Variants in ADAM12 observed in about 807,000 individuals in gnomAD.
ADAM12 encodes the protein disintegrin and metalloproteinase domain-containing protein 12.
A neutral mutation model predicts 106.4 loss-of-function variants in ADAM12; 70 were observed. The ratio of observed to expected loss-of-function variants is 0.66; its 90% CI spans 0.54 to 0.80. ADAM12 has a LOEUF of 0.80. Among genes scored for constraint, ADAM12 ranks in the 30% least tolerant of loss-of-function variants. The probability of loss-of-function intolerance (pLI) is 0.00; values close to 1 mark genes in which losing one functional copy is unlikely to be tolerated. For missense variants in ADAM12, 1,010 were observed against 1,171.9 expected (o/e 0.86, Z 2.02); for synonymous variants, 420 against 433.5 (o/e 0.97, Z 0.39).
At chr10:126,240,657 G>C (rs1048189324) in intron 3 of ADAM12, among the ~76,000 whole-genome samples, 21 of 152,314 alleles carry the variant, frequency 1.4e-4, no homozygotes, top group Middle Eastern at 3.4e-3. Flanking sequence ...GAGACTTCCA[G>C]GCAGAGAACA....
intron 3 of ADAM12, among the ~76,000 whole-genome samples, chr10:126,261,592 G>A (rs1370322607): frequency 3.9e-5 from 6 of 152,122 alleles, no homozygotes; most frequent in East Asian, 1.9e-4. Flanking sequence ...GGCAGGAACC[G>A]TGTGTTATTC....
At chr10:126,137,503 A>G (rs1032180010) in intron 4 of ADAM12, among the ~76,000 whole-genome samples, 1 of 152,208 alleles carries the variant, frequency 6.6e-6, no homozygotes, top group Non-Finnish European at 1.5e-5. Context: ...CATTTCTGTC[A>G]CCTCAGAAAG....
intron 3 of ADAM12, among the ~76,000 whole-genome samples, chr10:126,245,183 C>T (rs1958604557): frequency 1.3e-5 from 2 of 152,192 alleles, no homozygotes; most frequent in South Asian, 4.1e-4. Context: ...CCAGTCTGTG[C>T]TTTGGAAAGG....
At chr10:126,310,005 A>G (rs1281965094) in intron 2 of ADAM12, among the ~76,000 whole-genome samples, 3 of 152,006 alleles carry the variant, frequency 2.0e-5, no homozygotes, top group African/African-American at 7.3e-5. Context: ...CTAAAAATAC[A>G]AAAATTACCC....
At chr10:126,085,657 T>C (rs1171863701) in intron 11 of ADAM12, among the ~76,000 whole-genome samples, 3 of 152,124 alleles carry the variant, frequency 2.0e-5, no homozygotes, top group South Asian at 2.1e-4. Flanking sequence ...TTTGTCTGTC[T>C]GTCCATCCGT....
chr10:126,065,082 G>A lies in ADAM12; in HGVS notation c.1414-81C>T, dbSNP rs375421142. The A allele has an allele frequency of 2.7e-4, 385 of 1,419,610 alleles. 1 individual carries two copies. In the Admixed American group the frequency reaches 5.8e-3, roughly 21 times the overall value. The allele number at this position is 1,419,610 out of a possible 1,614,324, so 87.9% of individuals were successfully genotyped here. On this transcript the variant is annotated intron_variant, in intron 13 of 22. Transcript: ENST00000448723. Reference sequence around the variant, plus strand: ...CTCAGCATTACTCCTGGGCTGGAGTGGACAAGGCCATAAGTCCCACATAAG... The same window carrying A: ...CTCAGCATTACTCCTGGGCTGGAGTAGACAAGGCCATAAGTCCCACATAAG...
intron 3 of ADAM12, among the ~76,000 whole-genome samples, chr10:126,177,580 C>T (rs1329559668): frequency 6.6e-6 from 1 of 152,034 alleles, no homozygotes; most frequent in Admixed American, 6.6e-5. Context: ...AGATTTGTGA[C>T]GATGATAGGA....
chr10:126,192,108 G>T (rs747315264), intron 3 of ADAM12, among the ~76,000 whole-genome samples: 1 of 152,204 alleles, frequency 6.6e-6, no homozygotes, highest in Non-Finnish European at 1.5e-5. Context: ...CCAAGTTGGG[G>T]ATTACAATTT....
At chr10:126,362,361 T>C (rs1855770523) in intron 1 of ADAM12, among the ~76,000 whole-genome samples, 1 of 152,120 alleles carries the variant, frequency 6.6e-6, no homozygotes, top group Admixed American at 6.5e-5. Context: ...GTATGATGAT[T>C]ATGAAAAACT....
intron 19 of ADAM12, among the ~76,000 whole-genome samples, chr10:126,038,851 A>C (rs1467248612): frequency 2.0e-5 from 3 of 151,890 alleles, no homozygotes; most frequent in Non-Finnish European, 2.9e-5. Flanking sequence ...GAAACCCCCC[A>C]AAAAAGAACC....
intron 3 of ADAM12, among the ~76,000 whole-genome samples, chr10:126,189,551 G>A (rs1406506508): frequency 1.3e-5 from 2 of 152,154 alleles, no homozygotes; most frequent in African/African-American, 2.4e-5. Context: ...TGCTGACTAC[G>A]TGCCAGGCAT....
chr10:126,074,775 T>C (rs1436713120), intron 11 of ADAM12, among the ~76,000 whole-genome samples: 1 of 152,240 alleles, frequency 6.6e-6, no homozygotes, highest in Non-Finnish European at 1.5e-5. Context: ...GGGATGCCTC[T>C]GTTTTAAAAG....
intron 3 of ADAM12, among the ~76,000 whole-genome samples, chr10:126,169,264 A>G (rs1957077687): frequency 6.6e-6 from 1 of 152,100 alleles, no homozygotes; most frequent in Non-Finnish European, 1.5e-5. Context: ...ATCTGCAGCA[A>G]TCTTCCCTGC....
intron 3 of ADAM12, among the ~76,000 whole-genome samples, chr10:126,213,816 G>A (rs779429931): frequency 1.3e-5 from 2 of 152,190 alleles, no homozygotes; most frequent in African/African-American, 2.4e-5. Context: ...ATGCTAGAAC[G>A]AACTCTTGTT....
At chr10:126,220,279 A>G (rs1254382082) in intron 3 of ADAM12, among the ~76,000 whole-genome samples, 1 of 152,210 alleles carries the variant, frequency 6.6e-6, no homozygotes, top group African/African-American at 2.4e-5. Context: ...CGAGGTGCCG[A>G]GCACCACACA....
At chr10:126,208,748 C>G (rs1331027921) in intron 3 of ADAM12, among the ~76,000 whole-genome samples, 1 of 152,228 alleles carries the variant, frequency 6.6e-6, no homozygotes, top group South Asian at 2.1e-4. Context: ...GATCATTTGA[C>G]ACTTGCAGGA....
chr10:126,253,722 T>G (rs75726478), intron 3 of ADAM12, among the ~76,000 whole-genome samples: 6,512 of 152,296 alleles, frequency 0.043, 249 homozygotes, highest in African/African-American at 0.096. Context: ...GCTCTCCTCC[T>G]CATACTGTCC....
At chr10:126,024,860 AAAGC>A (rs1201381049) in intron 21 of ADAM12, among the ~76,000 whole-genome samples, 1 of 151,754 alleles carries the variant, frequency 6.6e-6, no homozygotes, top group African/African-American at 2.4e-5. Flanking sequence ...ACAAAAAAAA[AAAGC>A]AGGGTGAGGC....
At chr10:126,218,753 A>G (rs796575757) in intron 3 of ADAM12, among the ~76,000 whole-genome samples, 26 of 152,310 alleles carry the variant, frequency 1.7e-4, no homozygotes, top group African/African-American at 6.0e-4. Flanking sequence ...CCCAGAAACA[A>G]ACCCTCCAGA....
Sources: gnomAD v4.1 joint callset for allele counts (sites outside exome capture counted in the v4.1 genomes callset) on GRCh38, gnomAD v4.1.1 for gene constraint, MANE v1.5 for transcripts, NCBI Gene and HGNC (gene_info 2026-07-23, HGNC 2026-07-21) for gene names.